The following FBXL7 variants were observed in gnomAD, a reference collection of about 807,000 sequenced individuals.
FBXL7 encodes F-box/LRR-repeat protein 7.
FBXL7 carries 12 observed loss-of-function variants against 38.3 expected under a neutral mutation model. That is an observed-to-expected ratio of 0.31 (90% CI 0.20 to 0.51). The LOEUF (loss-of-function observed/expected upper bound fraction) is 0.51, where lower values mean the gene tolerates loss of function less well. FBXL7 is among the 20% of genes least tolerant of loss of function. FBXL7 has a pLI of 0.98. For synonymous variants in FBXL7, 297 were observed against 300.9 expected (o/e 0.99, Z 0.13); for missense variants, 567 against 676.4 (o/e 0.84, Z 1.79).
intron 2 of FBXL7, among the ~76,000 whole-genome samples, chr5:15,792,826 A>G (rs915280885): frequency 2.0e-5 from 3 of 152,312 alleles, no homozygotes; most frequent in African/African-American, 2.4e-5. Context: ...GCATAGACCA[A>G]GTGTCCCTTA....
At chr5:15,695,363 C>A (rs1743303541) in intron 2 of FBXL7, among the ~76,000 whole-genome samples, 1 of 152,018 alleles carries the variant, frequency 6.6e-6, no homozygotes. Context: ...TTTAAAGCTC[C>A]AAGTCTCCCA....
chr5:15,571,057 A>C (rs1738762494), intron 1 of FBXL7, among the ~76,000 whole-genome samples: 1 of 149,572 alleles, frequency 6.7e-6, no homozygotes, highest in Admixed American at 6.8e-5. Flanking sequence ...ATGCCATTGC[A>C]CTCCAGCCTG....
At chr5:15,711,858 C>A (rs1174548717) in intron 2 of FBXL7, among the ~76,000 whole-genome samples, 2 of 152,060 alleles carry the variant, frequency 1.3e-5, no homozygotes, top group Non-Finnish European at 2.9e-5. Context: ...AGAATACAGG[C>A]AGTAATGACA....
intron 1 of FBXL7, among the ~76,000 whole-genome samples, chr5:15,567,750 C>T (rs1342131253): frequency 1.3e-5 from 2 of 151,712 alleles, no homozygotes; most frequent in Non-Finnish European, 1.5e-5. Flanking sequence ...TCCCCCCTCA[C>T]CCCACCCCAC....
At chr5:15,503,841 TG>T (rs1358740277) in intron 1 of FBXL7, among the ~76,000 whole-genome samples, 2 of 152,286 alleles carry the variant, frequency 1.3e-5, no homozygotes, top group East Asian at 3.8e-4. Flanking sequence ...TTGACATCGC[TG>T]TGCAAATGTT....
intron 1 of FBXL7, among the ~76,000 whole-genome samples, chr5:15,516,811 T>G (rs1048486710): frequency 6.6e-6 from 1 of 152,070 alleles, no homozygotes; most frequent in African/African-American, 2.4e-5. Flanking sequence ...TGGTCGGCAT[T>G]TCTCCTTGCT....
At chr5:15,647,963 T>C (rs1213405644) in intron 2 of FBXL7, among the ~76,000 whole-genome samples, 1 of 152,230 alleles carries the variant, frequency 6.6e-6, no homozygotes, top group African/African-American at 2.4e-5. Flanking sequence ...GGGGTGAGAG[T>C]AGGTGCCAGT....
At chr5:15,733,989 C>T (rs1464946805) in intron 2 of FBXL7, among the ~76,000 whole-genome samples, 2 of 152,084 alleles carry the variant, frequency 1.3e-5, no homozygotes, top group Admixed American at 1.3e-4. Flanking sequence ...TGCCTGTAAT[C>T]GCAGCTACTC....
At position 15,878,881 on chromosome 5, in the gene FBXL7, G is replaced by A. The variant is rs73062175; in HGVS notation, c.128-49009G>A. Reference sequence around the variant, plus strand: ...ACTCTGGCTACATCTCCCCTAAGAAGGGAAAGCAGAACCCAGAGTCTCCAC... The same window carrying A: ...ACTCTGGCTACATCTCCCCTAAGAAAGGAAAGCAGAACCCAGAGTCTCCAC... On this transcript the variant is annotated intron_variant, in intron 2 of 3. Transcript: ENST00000504595. 5.1e-3 allele frequency among the ~76,000 whole-genome samples: 770 copies of A among 152,226 alleles called. 10 individuals are homozygous for A. Among genetic ancestry groups the A allele is most frequent in the African/African-American group, 0.018 (730 of 41,540 alleles).
chr5:15,832,835 G>A (rs1214856972), intron 2 of FBXL7, among the ~76,000 whole-genome samples: 1 of 152,032 alleles, frequency 6.6e-6, no homozygotes, highest in Non-Finnish European at 1.5e-5. Flanking sequence ...ATTTGGCTGT[G>A]TCCCCACCCA....
At position 15,936,414 on chromosome 5, in the gene FBXL7, G is replaced by A. The variant is rs779263460; in HGVS notation, c.740-36G>A. The A allele has an allele frequency of 6.3e-7, 1 of 1,589,778 alleles. No homozygotes were observed. The highest frequency in any genetic ancestry group is 8.6e-7 in the Non-Finnish European group (1 of 1,167,052). ...CCCAGGCGTGGCTCCCCTGCTGGCA[G>A]GTTGCTCTGAGCCTGTGTTCTGTCT... On this transcript the variant is annotated intron_variant, in intron 3 of 3. Transcript: ENST00000504595. This position sits in a 1 kb window ranked among gnomAD's most constrained non-coding sequence, Gnocchi z 6.0.
chr5:15,663,029 G>T (rs1301755393), intron 2 of FBXL7, among the ~76,000 whole-genome samples: 1 of 152,008 alleles, frequency 6.6e-6, no homozygotes, highest in Non-Finnish European at 1.5e-5. Flanking sequence ...TTTTCTAGTT[G>T]TGTGAAGAAT....
intron 2 of FBXL7, among the ~76,000 whole-genome samples, chr5:15,864,425 A>G (rs1739617191): frequency 6.7e-6 from 1 of 150,160 alleles, no homozygotes; most frequent in South Asian, 2.1e-4. Context: ...ATTCTGAATT[A>G]CTCAGCCTAG....
chr5:15,609,246 G>A (rs1022911007), intron 1 of FBXL7, among the ~76,000 whole-genome samples: 5 of 152,170 alleles, frequency 3.3e-5, no homozygotes, highest in African/African-American at 1.2e-4. Flanking sequence ...GAGAGGTCAA[G>A]CCGCTGCCTG....
chr5:15,572,632 T>C (rs976379981), intron 1 of FBXL7, among the ~76,000 whole-genome samples: 5 of 152,172 alleles, frequency 3.3e-5, no homozygotes, highest in African/African-American at 9.7e-5. Context: ...TGTGGGAATT[T>C]AGAGCCATGG....
chr5:15,656,782 CT>C (rs1317792585), intron 2 of FBXL7, among the ~76,000 whole-genome samples: 1 of 151,626 alleles, frequency 6.6e-6, no homozygotes, highest in Non-Finnish European at 1.5e-5. Flanking sequence ...AAAAATACAG[CT>C]AATGAATGAG....
chr5:15,876,584 C>T (rs1188980333), intron 2 of FBXL7, among the ~76,000 whole-genome samples: 1 of 152,054 alleles, frequency 6.6e-6, no homozygotes, highest in Admixed American at 6.6e-5. Context: ...GTATTAGAAA[C>T]GTGAAACTTA....
At chr5:15,667,598 T>C (rs1742327048) in intron 2 of FBXL7, among the ~76,000 whole-genome samples, 1 of 152,194 alleles carries the variant, frequency 6.6e-6, no homozygotes, top group Non-Finnish European at 1.5e-5. Flanking sequence ...TCATTTTCTT[T>C]TGGCATTATC....
chr5:15,733,757 T>C (rs1048090767), intron 2 of FBXL7, among the ~76,000 whole-genome samples: 1 of 152,242 alleles, frequency 6.6e-6, no homozygotes, highest in Non-Finnish European at 1.5e-5. Flanking sequence ...AATTGCAGGT[T>C]AATGTTTTGT....
Sources: allele counts gnomAD v4.1 joint callset (sites outside exome capture counted in the v4.1 genomes callset), GRCh38; gene constraint gnomAD v4.1.1; non-coding constraint Gnocchi (gnomAD v3.1); transcripts MANE v1.5; gene names NCBI Gene and HGNC (gene_info 2026-07-23, HGNC 2026-07-21).